Variants in SORCS1 observed in about 807,000 individuals in gnomAD.
SORCS1 encodes VPS10 domain-containing receptor SorCS1.
A neutral mutation model predicts 146.1 loss-of-function variants in SORCS1; 60 were observed. The ratio of observed to expected loss-of-function variants is 0.41; its 90% CI spans 0.33 to 0.51. SORCS1 has a LOEUF of 0.51. Among genes scored for constraint, SORCS1 ranks in the 20% least tolerant of loss-of-function variants. The pLI is 0.21. For missense variants in SORCS1, 1,352 were observed against 1,487.6 expected (o/e 0.91, Z 1.50); for synonymous variants, 637 against 584.0 (o/e 1.09, Z -1.31).
At chr10:106,625,031 C>A (rs1589504911) in intron 19 of SORCS1, among the ~76,000 whole-genome samples, 1 of 152,292 alleles carries the variant, frequency 6.6e-6, no homozygotes, top group South Asian at 2.1e-4. Flanking sequence ...CTGCAATGCA[C>A]AAAAGGGACA....
At chr10:106,863,649 G>A (rs1461350256) in intron 2 of SORCS1, among the ~76,000 whole-genome samples, 1 of 141,264 alleles carries the variant, frequency 7.1e-6, no homozygotes, top group Non-Finnish European at 1.5e-5. Context: ...CAGTCTGCAT[G>A]TAGTGATTCC....
At chr10:106,593,347 C>T (rs1845724553) in intron 24 of SORCS1, among the ~76,000 whole-genome samples, 1 of 151,978 alleles carries the variant, frequency 6.6e-6, no homozygotes, top group South Asian at 2.1e-4. Context: ...GAAACAGATC[C>T]CTCCCATATT....
At chr10:107,143,967 T>C (rs672508) in intron 1 of SORCS1, among the ~76,000 whole-genome samples, 148,891 of 152,036 alleles carry the variant, frequency 0.98, 72,913 homozygotes, top group East Asian at 1. Context: ...GGCCCTTTTT[T>C]GTAAGATGCC....
At chr10:106,958,443 C>T (rs1470025831) in intron 1 of SORCS1, among the ~76,000 whole-genome samples, 1 of 152,224 alleles carries the variant, frequency 6.6e-6, no homozygotes, top group Non-Finnish European at 1.5e-5. Flanking sequence ...AAGTTCCACT[C>T]TACTAGCACA....
chr10:107,048,077 A>G (rs575951515), intron 1 of SORCS1, among the ~76,000 whole-genome samples: 11 of 152,166 alleles, frequency 7.2e-5, no homozygotes, highest in Non-Finnish European at 1.6e-4. Context: ...GAATGAGACC[A>G]AGTCTCCAAC....
At chr10:106,777,541 C>G (rs1860542358) in intron 3 of SORCS1, among the ~76,000 whole-genome samples, 1 of 152,200 alleles carries the variant, frequency 6.6e-6, no homozygotes, top group Non-Finnish European at 1.5e-5. Flanking sequence ...CTCTAAAACT[C>G]TCTGAAAGAA....
chr10:107,177,482 A>G, the SORCS1 span, among the ~76,000 whole-genome samples: 2 of 152,344 alleles, frequency 1.3e-5, no homozygotes, highest in African/African-American at 4.8e-5. Flanking sequence ...TTTAAAATAT[A>G]TATTTTTAAT....
intron 2 of SORCS1, among the ~76,000 whole-genome samples, chr10:106,860,712 G>A (rs912976843): frequency 8.5e-5 from 13 of 152,174 alleles, no homozygotes; most frequent in African/African-American, 3.1e-4. Flanking sequence ...ACTATTCGTA[G>A]AATGATGGCA....
At chr10:106,760,589 T>A (rs1048947752) in intron 5 of SORCS1, among the ~76,000 whole-genome samples, 2 of 150,834 alleles carry the variant, frequency 1.3e-5, no homozygotes, top group Non-Finnish European at 2.9e-5. Context: ...GATCTCGAAC[T>A]CCCCAGCCTC....
the SORCS1 span, among the ~76,000 whole-genome samples, chr10:107,171,119 G>T: frequency 2.0e-5 from 3 of 152,154 alleles, no homozygotes; most frequent in Non-Finnish European, 2.9e-5. Context: ...ACCAACTTCA[G>T]TTTGACACTG....
At chr10:106,937,342 T>A (rs1953786446) in intron 2 of SORCS1, among the ~76,000 whole-genome samples, 1 of 151,844 alleles carries the variant, frequency 6.6e-6, no homozygotes, top group Admixed American at 6.6e-5. Flanking sequence ...AGCTATTTTT[T>A]TTTTTTTTGT....
rs182319428 is a variant in SORCS1, at chr10:106,839,667, T to A, written c.627-9994A>T. ...AAACAACATCCAATCAAAAGACGAT[T>A]CCATTAGAATTTCAAAGCTAGAGAG... is the stretch of plus-strand genomic sequence containing the variant. On this transcript the variant is annotated intron_variant, in intron 2 of 25. Transcript: ENST00000263054. Among the ~76,000 whole-genome samples the A allele has an allele frequency of 1.3e-3, 205 of 152,314 alleles. 3 individuals are homozygous for A. The highest frequency in any genetic ancestry group is 3.4e-3 in the Middle Eastern group (1 of 294).
At chr10:106,962,822 C>G (rs1484610080) in intron 1 of SORCS1, among the ~76,000 whole-genome samples, 1 of 152,146 alleles carries the variant, frequency 6.6e-6, no homozygotes, top group Non-Finnish European at 1.5e-5. Flanking sequence ...AGGGAACAAC[C>G]ATATTGAAGA....
intron 23 of SORCS1, among the ~76,000 whole-genome samples, chr10:106,606,765 C>T (rs1589456310): frequency 6.6e-6 from 1 of 152,160 alleles, no homozygotes; most frequent in South Asian, 2.1e-4. Context: ...ATCATGGGGG[C>T]AGTTACCTCC....
At chr10:106,681,209 T>A (rs569052297) in intron 10 of SORCS1, among the ~76,000 whole-genome samples, 3 of 152,196 alleles carry the variant, frequency 2.0e-5, no homozygotes, top group Non-Finnish European at 2.9e-5. Flanking sequence ...CAGAACAGCA[T>A]AGTACAACAC....
intron 3 of SORCS1, among the ~76,000 whole-genome samples, chr10:106,827,885 G>A (rs779794456): frequency 7.9e-5 from 12 of 152,128 alleles, no homozygotes; most frequent in Non-Finnish European, 1.3e-4. Flanking sequence ...CAATTACTCA[G>A]TAACACTAGC....
At chr10:106,605,821 C>T (rs1300505611) in intron 23 of SORCS1, among the ~76,000 whole-genome samples, 2 of 152,146 alleles carry the variant, frequency 1.3e-5, no homozygotes, top group Non-Finnish European at 2.9e-5. Flanking sequence ...GGGGAGCCTT[C>T]TGCCAAGTGA....
intron 3 of SORCS1, among the ~76,000 whole-genome samples, chr10:106,796,026 T>A (rs971642538): frequency 6.6e-6 from 1 of 152,172 alleles, no homozygotes; most frequent in Non-Finnish European, 1.5e-5. Flanking sequence ...CAAATCAAAT[T>A]TTAGTGAATC....
At chr10:106,913,776 G>A (rs1404421219) in intron 2 of SORCS1, among the ~76,000 whole-genome samples, 1 of 152,220 alleles carries the variant, frequency 6.6e-6, no homozygotes, top group African/African-American at 2.4e-5. Flanking sequence ...GAAGCCCCCA[G>A]AGCAGGCCAC....
Sources: gnomAD v4.1 joint callset for allele counts (sites outside exome capture counted in the v4.1 genomes callset) on GRCh38, gnomAD v4.1.1 for gene constraint, MANE v1.5 for transcripts, NCBI Gene and HGNC (gene_info 2026-07-23, HGNC 2026-07-21) for gene names.